Variants in RAPGEF4 observed in about 807,000 individuals in gnomAD.
RAPGEF4 encodes RAP guanine-nucleotide-exchange factor (GEF) 4.
In RAPGEF4, 66 loss-of-function variants were observed where a neutral mutation model predicts 147.9. The observed-to-expected ratio is 0.45, with a 90% CI of 0.37 to 0.55. The LOEUF is 0.55. RAPGEF4 is among the 20% of genes least tolerant of loss of function. The pLI is 0.00. For missense variants in RAPGEF4, 1,071 were observed against 1,257.3 expected (o/e 0.85, Z 2.24); for synonymous variants, 419 against 442.7 (o/e 0.95, Z 0.67).
At chr2:172,980,795 A>C (rs1691597230) in intron 10 of RAPGEF4, among the ~76,000 whole-genome samples, 1 of 152,072 alleles carries the variant, frequency 6.6e-6, no homozygotes, top group Admixed American at 6.5e-5. Context: ...ATATGTTGAG[A>C]TTTGTAGATC....
intron 1 of RAPGEF4, among the ~76,000 whole-genome samples, chr2:172,748,436 A>G (rs1574680734): frequency 6.6e-6 from 1 of 152,178 alleles, no homozygotes. Context: ...GTGGCAGGCA[A>G]GGGAGAGAAA....
At position 172,917,806 on chromosome 2, in the gene RAPGEF4, A is replaced by G. The variant is rs1684236048; in HGVS notation, c.449A>G (p.Tyr150Cys). 2 of 1,612,562 alleles carry G rather than the reference A, an allele frequency of 1.2e-6. No individual in the cohort carries two copies. Among genetic ancestry groups the G allele is most frequent in the Admixed American group, 1.7e-5 (1 of 60,002 alleles). ...GTTTACAATCTTGTCTTTCAGAAATATCGACAGTATATGGCAGGACTTCTG... is the reference window on the plus strand; with the variant it reads ...GTTTACAATCTTGTCTTTCAGAAATGTCGACAGTATATGGCAGGACTTCTG... ...QKDFKALWEK[Y>C]RQYMAGLLAP... The change falls in exon 5 of 31, where the codon TAT becomes TGT. Residue 150 changes from tyrosine (Y) to cysteine (C), a missense_variant. Tyr to Cys is a radical substitution (Grantham distance 194). Transcript: ENST00000397081.
At chr2:172,828,168 C>A (rs751708029) in intron 4 of RAPGEF4, among the ~76,000 whole-genome samples, 18 of 152,068 alleles carry the variant, frequency 1.2e-4, no homozygotes, top group Non-Finnish European at 2.5e-4. Flanking sequence ...ATAAAAGATA[C>A]AACAGGGGTG....
chr2:172,885,999 C>T (rs1416171568), intron 4 of RAPGEF4, among the ~76,000 whole-genome samples: 1 of 152,160 alleles, frequency 6.6e-6, no homozygotes, highest in African/African-American at 2.4e-5. Flanking sequence ...ACTTCTCTCC[C>T]TTCCTTTCCC....
intron 4 of RAPGEF4, among the ~76,000 whole-genome samples, chr2:172,840,704 G>A (rs1344593): frequency 0.75 from 114,718 of 152,202 alleles, 43,500 homozygotes; most frequent in East Asian, 0.96. Context: ...TACTTCTTTT[G>A]TAGGAAAGAA....
At chr2:173,025,306 C>T (rs919316020) in intron 23 of RAPGEF4, among the ~76,000 whole-genome samples, 4 of 152,164 alleles carry the variant, frequency 2.6e-5, no homozygotes, top group Admixed American at 1.3e-4. Context: ...TGTAATTTCT[C>T]TAGTGCCCAG....
At chr2:173,041,442 G>A (rs138879696) in intron 29 of RAPGEF4, among the ~76,000 whole-genome samples, 95 of 152,246 alleles carry the variant, frequency 6.2e-4, no homozygotes, top group African/African-American at 2.2e-3. Flanking sequence ...TGTGTGGAGT[G>A]TCCAGGCAAA....
At chr2:172,959,666 G>A (rs974457274) in intron 6 of RAPGEF4, among the ~76,000 whole-genome samples, 12 of 152,202 alleles carry the variant, frequency 7.9e-5, no homozygotes, top group South Asian at 2.1e-4. Context: ...TTTCTCCACC[G>A]TTTGGAATAT....
chr2:172,983,488 C>A lies in RAPGEF4; in HGVS notation c.1005-8C>A, dbSNP rs758902129. 6.9e-7 allele frequency: 1 copy of A among 1,457,888 alleles called. No individual in the cohort carries two copies. The highest frequency in any genetic ancestry group is 9.0e-7 in the Non-Finnish European group (1 of 1,110,392). 90.3% of individuals were successfully genotyped at this position (1,457,888 alleles called of 1,614,324 possible). A position where few individuals can be genotyped will look rare whatever the true frequency, so the allele number is the denominator to read the frequency against. Reference sequence around the variant, plus strand: ...TCCATATTCCTTTTTTTTTTTTTATCTTTGTAGACCTGGCCAGAGGACTGT... The same window carrying A: ...TCCATATTCCTTTTTTTTTTTTTATATTTGTAGACCTGGCCAGAGGACTGT... On this transcript the variant is annotated splice_region_variant and splice_polypyrimidine_tract_variant and intron_variant, in intron 10 of 30. Coordinates refer to ENST00000397081, the MANE Select transcript of RAPGEF4 (RefSeq NM_007023.4).
intron 4 of RAPGEF4, among the ~76,000 whole-genome samples, chr2:172,824,674 C>G (rs758771946): frequency 7.2e-5 from 11 of 152,206 alleles, no homozygotes; most frequent in Non-Finnish European, 1.2e-4. Context: ...GGTGCAAGAT[C>G]ATCCCCAAAT....
intron 1 of RAPGEF4, among the ~76,000 whole-genome samples, chr2:172,773,258 A>G (rs1357649112): frequency 6.6e-6 from 1 of 152,230 alleles, no homozygotes; most frequent in Non-Finnish European, 1.5e-5. Context: ...TATAATTATG[A>G]ACACATTTAA....
chr2:172,921,056 A>C (rs1684702761), intron 5 of RAPGEF4, among the ~76,000 whole-genome samples: 1 of 151,856 alleles, frequency 6.6e-6, no homozygotes, highest in Admixed American at 6.6e-5. Context: ...CCCCTCCTGC[A>C]TTCTGTACTA....
In RAPGEF4 at chr2:172,906,923, T is replaced by A. The variant is rs564774550; in HGVS notation, c.445-10879T>A. Among the ~76,000 whole-genome samples the A allele has an allele frequency of 2.0e-5, 3 of 152,316 alleles. No homozygotes were observed. The South Asian group carries it at 6.2e-4, about 32-fold the overall frequency. ...CTCCTTCAGGAGATGCCACCCAACT[T>A]TTGTATGCCAGCTCCTGGGCTACCT... On this transcript the variant is annotated intron_variant, in intron 4 of 30. Coordinates refer to ENST00000397081, the MANE Select transcript of RAPGEF4 (RefSeq NM_007023.4).
chr2:172,830,522 C>G (rs919625951), intron 4 of RAPGEF4, among the ~76,000 whole-genome samples: 1 of 152,158 alleles, frequency 6.6e-6, no homozygotes, highest in African/African-American at 2.4e-5. Flanking sequence ...GCCTGTAAAG[C>G]TAACTGGACA....
intron 4 of RAPGEF4, among the ~76,000 whole-genome samples, chr2:172,889,118 C>T (rs1025081817): frequency 6.6e-6 from 1 of 152,146 alleles, no homozygotes; most frequent in African/African-American, 2.4e-5. Context: ...TATTTATCAT[C>T]TCAAAGATCA....
intron 4 of RAPGEF4, among the ~76,000 whole-genome samples, chr2:172,869,856 T>C (rs1193655457): frequency 2.0e-5 from 3 of 152,166 alleles, no homozygotes; most frequent in African/African-American, 7.2e-5. Flanking sequence ...ATATAAAATG[T>C]AGAGGTAAAG....
At chr2:172,892,973 T>C (rs1044284367) in intron 4 of RAPGEF4, among the ~76,000 whole-genome samples, 2 of 152,228 alleles carry the variant, frequency 1.3e-5, no homozygotes, top group African/African-American at 4.8e-5. Flanking sequence ...ATCAAAAAAT[T>C]AGAGATATTC....
rs188391672 is a variant in RAPGEF4, at chr2:172,917,867, C to T, written c.510C>T (p.Asn170=). 9.4e-5 allele frequency: 151 copies of T among 1,612,868 alleles called. 1 individual carries two copies. In the Admixed American group the frequency reaches 2.4e-3, roughly 26 times the overall value. The change falls in exon 5 of 31, where the codon AAC becomes AAT. Residue 170 remains asparagine, a synonymous_variant. Transcript: ENST00000397081. ...ATGGTGTTATGGAAACGGGCTCTAA[C>T]AATGACAGTAAGTGGAAAATGTGAA... ...PPYGVMETGS[N]NDRIPDKENT...
chr2:173,005,024 T>G (rs1169282850), intron 17 of RAPGEF4, among the ~76,000 whole-genome samples: 14 of 152,144 alleles, frequency 9.2e-5, no homozygotes, highest in Admixed American at 9.2e-4. Flanking sequence ...GAAAGACACA[T>G]TATCATTTTT....
Sources: gnomAD v4.1 joint callset for allele counts (sites outside exome capture counted in the v4.1 genomes callset) on GRCh38, gnomAD v4.1.1 for gene constraint, MANE v1.5 for transcripts, NCBI Gene and HGNC (gene_info 2026-07-23, HGNC 2026-07-21) for gene names.